Variants in ADAMTS18 observed in about 807,000 individuals in gnomAD.
ADAMTS18 encodes ADAM metallopeptidase with thrombospondin type 1 motif 18.
A neutral mutation model predicts 165.9 loss-of-function variants in ADAMTS18; 157 were observed. The ratio of observed to expected loss-of-function variants is 0.95; its 90% CI spans 0.83 to 1.08. The LOEUF (loss-of-function observed/expected upper bound fraction) is 1.08, where lower values mean the gene tolerates loss of function less well. Ranked by LOEUF, ADAMTS18 falls within the 50% of genes least tolerant of loss-of-function variation. The pLI is 0.00. For synonymous variants in ADAMTS18, 782 were observed against 578.2 expected (o/e 1.35, Z -5.06); for missense variants, 2,040 against 1,534.0 (o/e 1.33, Z -5.51).
intron 16 of ADAMTS18, among the ~76,000 whole-genome samples, chr16:77,314,223 G>A (rs1185479171): frequency 6.6e-6 from 1 of 152,166 alleles, no homozygotes; most frequent in Non-Finnish European, 1.5e-5. Context: ...GCAAACTCAA[G>A]TATCTCCTGG....
At position 77,389,284 on chromosome 16, in the gene ADAMTS18, G is replaced by A. The variant is rs377726858; in HGVS notation, c.496-21561C>T. On this transcript the variant is annotated intron_variant, in intron 3 of 22. Coordinates refer to ENST00000282849, the MANE Select transcript of ADAMTS18 (RefSeq NM_199355.4). ...GGTGCCACTGCACTCCAGTCTAGGC[G>A]ACAGAGTGAGACTTTATCTCAAAAA... Among the ~76,000 whole-genome samples the A allele has an allele frequency of 1.1e-4, 16 of 152,266 alleles. No homozygotes were observed. The East Asian group carries it at 1.2e-3, about 11-fold the overall frequency.
intron 3 of ADAMTS18, among the ~76,000 whole-genome samples, chr16:77,430,062 A>T (rs558211768): frequency 6.6e-6 from 1 of 152,186 alleles, no homozygotes; most frequent in African/African-American, 2.4e-5. Flanking sequence ...TGGGTTGTGT[A>T]AACTCCTCCT....
At chr16:77,325,440 A>G (rs538291432) in intron 13 of ADAMTS18, among the ~76,000 whole-genome samples, 1 of 152,262 alleles carries the variant, frequency 6.6e-6, no homozygotes, top group South Asian at 2.1e-4. Flanking sequence ...CACACTCTAC[A>G]CACAGGCCTT....
chr16:77,355,920 C>T lies in ADAMTS18; in HGVS notation c.1460+20G>A. Reference sequence around the variant, plus strand: ...CATCACTCCAAACCTAGGAGCACCCCAGGATTTAACCTGTCATACCTGAGG... The same window carrying T: ...CATCACTCCAAACCTAGGAGCACCCTAGGATTTAACCTGTCATACCTGAGG... On this transcript the variant is annotated intron_variant, in intron 9 of 22. Coordinates refer to ENST00000282849, the MANE Select transcript of ADAMTS18 (RefSeq NM_199355.4). The T allele has an allele frequency of 1.9e-6, 3 of 1,613,842 alleles. No homozygotes were observed. The highest frequency in any genetic ancestry group is 2.5e-6 in the Non-Finnish European group (3 of 1,179,794).
chr16:77,305,879 T>C (rs1001776996), intron 16 of ADAMTS18, among the ~76,000 whole-genome samples: 12 of 152,162 alleles, frequency 7.9e-5, no homozygotes, highest in African/African-American at 2.7e-4. Context: ...TTGGGCAATA[T>C]GTAACTTGAA....
chr16:77,284,339 G>T (rs1406389189), intron 22 of ADAMTS18, among the ~76,000 whole-genome samples: 1 of 152,040 alleles, frequency 6.6e-6, no homozygotes, highest in Non-Finnish European at 1.5e-5. Context: ...TGCTGGCCAG[G>T]CTGGTCTCAA....
rs754896637 is a variant in ADAMTS18 at position 77,295,120 on chromosome 16, G to A, written c.2809C>T (p.Pro937Ser). Residue 937 changes from proline to serine, a missense_variant, in exon 19 of 23, where the codon CCA (proline) becomes TCA (serine). Coordinates refer to ENST00000282849, the MANE Select transcript of ADAMTS18 (RefSeq NM_199355.4). ...TTGCTGCATGTACTCCATTCACCTGGCATCCAGCTTTCAGTGCAAAACAAA... is the reference window on the plus strand; with the variant it reads ...TTGCTGCATGTACTCCATTCACCTGACATCCAGCTTTCAGTGCAAAACAAA... The part of the protein sequence containing the change: ...NAFSCPAYWM[P>S]GEWSTCSKAC... 6.2e-7 allele frequency: 1 copy of A among 1,614,114 alleles called. No individual in the cohort carries two copies. The highest frequency in any genetic ancestry group is 8.5e-7 in the Non-Finnish European group (1 of 1,180,020).
intron 16 of ADAMTS18, among the ~76,000 whole-genome samples, chr16:77,318,924 G>C (rs1313115666): frequency 6.6e-6 from 1 of 152,122 alleles, no homozygotes; most frequent in Non-Finnish European, 1.5e-5. Context: ...GCTTGTAAGA[G>C]CCAACAGTCA....
At chr16:77,410,156 A>C (rs1371149947) in intron 3 of ADAMTS18, among the ~76,000 whole-genome samples, 1 of 152,116 alleles carries the variant, frequency 6.6e-6, no homozygotes, top group Non-Finnish European at 1.5e-5. Flanking sequence ...ACGAATACCC[A>C]TTCTTCCTAG....
intron 12 of ADAMTS18, among the ~76,000 whole-genome samples, chr16:77,326,462 T>C (rs1027399147): frequency 6.6e-5 from 10 of 152,188 alleles, no homozygotes; most frequent in African/African-American, 2.2e-4. Flanking sequence ...GGCTCACTGC[T>C]GCCTCCACCT....
chr16:77,434,859 T>A lies in ADAMTS18; in HGVS notation c.-164A>T. 2.0e-6 allele frequency: 1 copy of A among 511,522 alleles called. No homozygotes were observed. Among genetic ancestry groups the A allele is most frequent in the Non-Finnish European group, 3.0e-6 (1 of 328,724 alleles). The allele number at this position is 511,522 out of a possible 1,614,324, so 31.7% of individuals were successfully genotyped here. ...AGCGGGGGCGCGCTGGGACCTCCCCTCCTCCGGCCGCCTGCGCGCCCTCCC... is the reference window on the plus strand; with the variant it reads ...AGCGGGGGCGCGCTGGGACCTCCCCACCTCCGGCCGCCTGCGCGCCCTCCC... On this transcript the variant is annotated 5_prime_UTR_variant, in exon 1 of 23. Transcript: ENST00000282849.
At chr16:77,314,787 A>ATATATATATAGATATATATAT (rs1567474883) in intron 16 of ADAMTS18, among the ~76,000 whole-genome samples, 1 of 49,326 alleles carries the variant, frequency 2.0e-5, no homozygotes, top group Non-Finnish European at 3.9e-5. Context: ...TATATATATA[A>ATATATATATAGATATATATAT]AATATATGTG....
chr16:77,399,637 C>T (rs2057300948), intron 3 of ADAMTS18, among the ~76,000 whole-genome samples: 1 of 152,216 alleles, frequency 6.6e-6, no homozygotes, highest in South Asian at 2.1e-4. Flanking sequence ...GAAGAAAACA[C>T]TATACACTTC....
intron 11 of ADAMTS18, among the ~76,000 whole-genome samples, chr16:77,338,062 C>T (rs976057990): frequency 2.0e-5 from 3 of 152,190 alleles, no homozygotes; most frequent in African/African-American, 7.2e-5. Context: ...TGCCACTACA[C>T]CCAGCTAATT....
intron 4 of ADAMTS18, among the ~76,000 whole-genome samples, chr16:77,366,837 A>G (rs1422097827): frequency 2.0e-5 from 3 of 152,202 alleles, no homozygotes; most frequent in Non-Finnish European, 2.9e-5. Context: ...TGTTGAGATA[A>G]TATTTTGTAC....
intron 10 of ADAMTS18, among the ~76,000 whole-genome samples, chr16:77,352,890 C>G (rs1440101340): frequency 6.6e-6 from 1 of 151,848 alleles, no homozygotes; most frequent in Non-Finnish European, 1.5e-5. Flanking sequence ...TGGGAGATCA[C>G]GAGGTCAGGA....
At chr16:77,358,163 G>A (rs2650890) in intron 8 of ADAMTS18, among the ~76,000 whole-genome samples, 55,450 of 151,748 alleles carry the variant, frequency 0.37, 10,955 homozygotes, top group Non-Finnish European at 0.45. Context: ...CTAGGAAAGT[G>A]TGCATGTGTG....
chr16:77,287,470 G>A (rs1193082868), intron 22 of ADAMTS18, among the ~76,000 whole-genome samples: 1 of 151,994 alleles, frequency 6.6e-6, no homozygotes, highest in Non-Finnish European at 1.5e-5. Context: ...ACTCAGCCAT[G>A]AGGCACAGAG....
chr16:77,417,552 G>A (rs2057546508), intron 3 of ADAMTS18, among the ~76,000 whole-genome samples: 1 of 152,208 alleles, frequency 6.6e-6, no homozygotes, highest in South Asian at 2.1e-4. Context: ...AGGTCAGCTG[G>A]TGAGTCTATG....
Sources: allele counts gnomAD v4.1 joint callset (sites outside exome capture counted in the v4.1 genomes callset), GRCh38; gene constraint gnomAD v4.1.1; transcripts MANE v1.5; gene names NCBI Gene and HGNC (gene_info 2026-07-23, HGNC 2026-07-21).